Variants in RAB30 observed in about 807,000 individuals in gnomAD.
RAB30 encodes RAB30, member RAS oncogene family, also known as ras-related protein Rab-30.
Under a neutral mutation model 25.1 loss-of-function variants are expected in RAB30, and 9 were observed. The observed-to-expected ratio is 0.36, with a 90% CI of 0.22 to 0.63. The LOEUF is 0.63. Among genes scored for constraint, RAB30 ranks in the 20% least tolerant of loss-of-function variants. RAB30 has a pLI of 0.69. For missense variants in RAB30, 140 were observed against 243.5 expected, an observed-to-expected ratio of 0.58 and a Z score of 2.83; for synonymous variants, 77 against 86.4, an observed-to-expected ratio of 0.89 and a Z score of 0.60.
intron 4 of RAB30, among the ~76,000 whole-genome samples, chr11:82,983,375 A>G (rs1856677304): frequency 6.6e-6 from 1 of 152,224 alleles, no homozygotes; most frequent in African/African-American, 2.4e-5. Flanking sequence ...AACTGAGAGC[A>G]AAATTAAACA....
chr11:83,049,742 A>C (rs1254609742), intron 1 of RAB30, among the ~76,000 whole-genome samples: 1 of 152,090 alleles, frequency 6.6e-6, no homozygotes, highest in Admixed American at 6.5e-5. Flanking sequence ...AGAAAATTTG[A>C]GGTGATTCAA....
At chr11:83,018,297 CAAAAAAAAA>C (rs904843218) in intron 1 of RAB30, among the ~76,000 whole-genome samples, 1 of 68,562 alleles carries the variant, frequency 1.5e-5, no homozygotes, top group South Asian at 5.2e-4. Flanking sequence ...GACTCCATCT[CAAAAAAAAA>C]AAAAAAAAAA....
chr11:83,069,184 A>G (rs747377896), intron 1 of RAB30, among the ~76,000 whole-genome samples: 4 of 152,242 alleles, frequency 2.6e-5, no homozygotes, highest in Non-Finnish European at 4.4e-5. Context: ...CAAATCTAAC[A>G]CTACATTCAG....
chr11:83,057,034 GTATCATTGAATTTGGAATCTTGAGTTA>G (rs1297837962), intron 1 of RAB30, among the ~76,000 whole-genome samples: 1 of 152,058 alleles, frequency 6.6e-6, no homozygotes, highest in East Asian at 1.9e-4. Context: ...GTACAGATTT[GTATCATTGAATTTGGAATCTTGAGTTA>G]TACAGCTATA....
rs1417516171 is a variant in RAB30, at chr11:83,046,082, C to T, written c.-9+25609G>A. Among the ~76,000 whole-genome samples the T allele has an allele frequency of 3.9e-5, 6 of 152,322 alleles. No individual in the cohort carries two copies. In the East Asian group the frequency reaches 9.6e-4, roughly 24 times the overall value. Reference sequence around the variant, plus strand: ...TAAATCACCTTTCTTCAGTAGTTGTCTGAATCTTTCATTTTACTTCCTTTA... The same window carrying T: ...TAAATCACCTTTCTTCAGTAGTTGTTTGAATCTTTCATTTTACTTCCTTTA... On this transcript the variant is annotated intron_variant, in intron 1 of 4. Coordinates refer to ENST00000527633, the MANE Select transcript of RAB30 (RefSeq NM_001286060.2).
intron 1 of RAB30, among the ~76,000 whole-genome samples, chr11:83,071,047 C>A (rs745465336): frequency 6.6e-6 from 1 of 152,366 alleles, no homozygotes; most frequent in Middle Eastern, 3.4e-3. Flanking sequence ...AACAAAAACG[C>A]TGCTTCCAGC....
intron 1 of RAB30, among the ~76,000 whole-genome samples, chr11:83,037,176 A>T (rs1294970392): frequency 6.6e-6 from 1 of 151,976 alleles, no homozygotes; most frequent in African/African-American, 2.4e-5. Flanking sequence ...ACTTGAGGTG[A>T]TACTAAGTGT....
intron 2 of RAB30, among the ~76,000 whole-genome samples, chr11:82,995,752 C>T (rs1010595711): frequency 4.6e-5 from 7 of 152,160 alleles, no homozygotes; most frequent in African/African-American, 1.7e-4. Flanking sequence ...GTATAGGAGA[C>T]AAATTATCAG....
At chr11:83,014,439 T>C (rs1444391384) in intron 1 of RAB30, among the ~76,000 whole-genome samples, 1 of 151,996 alleles carries the variant, frequency 6.6e-6, no homozygotes, top group Non-Finnish European at 1.5e-5. Flanking sequence ...TCCCAGCTAC[T>C]CAGAGCTGAG....
intron 1 of RAB30, among the ~76,000 whole-genome samples, chr11:83,013,505 T>C (rs1464282781): frequency 6.6e-6 from 1 of 152,132 alleles, no homozygotes. Context: ...AGACTAAATA[T>C]TAAATAAATG....
intron 1 of RAB30, among the ~76,000 whole-genome samples, chr11:83,020,464 C>T (rs1165000218): frequency 6.6e-6 from 1 of 152,340 alleles, no homozygotes; most frequent in East Asian, 1.9e-4. Flanking sequence ...GGCGGCTCTG[C>T]GCTGGCCTGC....
Position 82,981,114 on chromosome 11 carries a change from T to G in RAB30, c.*1051A>C, listed in dbSNP as rs1040719282. The G allele has an allele frequency of 6.6e-6, 1 of 152,080 alleles. No individual in the cohort carries two copies. Among genetic ancestry groups the G allele is most frequent in the Non-Finnish European group, 1.5e-5 (1 of 68,004 alleles). 9.4% of individuals were successfully genotyped at this position (152,080 alleles called of 1,614,324 possible). ...GCCTTGGTCTGTCCAAGATGGAGAG[T>G]ACCAGGAAGTAAAAGATGTGACCTA... On this transcript the variant is annotated 3_prime_UTR_variant, in exon 5 of 5. Coordinates refer to ENST00000527633, the MANE Select transcript of RAB30 (RefSeq NM_001286060.2).
chr11:82,988,680 TAGAC>T (rs1471692244), intron 3 of RAB30, among the ~76,000 whole-genome samples: 4 of 152,228 alleles, frequency 2.6e-5, no homozygotes, highest in South Asian at 4.1e-4. Context: ...CTGCACAGAG[TAGAC>T]AACTACTGAA....
rs371135775 is a variant in RAB30 at position 83,022,633 on chromosome 11, A to G, written c.-8-25309T>C. Among the ~76,000 whole-genome samples, 18 of 152,242 alleles carry G rather than the reference A, an allele frequency of 1.2e-4. No individual in the cohort carries two copies. The East Asian group carries it at 2.3e-3, about 20-fold the overall frequency. On this transcript the variant is annotated intron_variant, in intron 1 of 4. Transcript: ENST00000527633. ...TTAAATAAGTATCCTTTATTTTATA[A>G]TTTTAAAATAAAGACAACTTTTAAA...
Position 83,058,224 on chromosome 11 carries a change from C to T in RAB30, c.-9+13467G>A, listed in dbSNP as rs202037047. 9.9e-5 allele frequency among the ~76,000 whole-genome samples: 15 copies of T among 152,234 alleles called. No homozygotes were observed. The East Asian group carries it at 2.7e-3, about 27-fold the overall frequency. On this transcript the variant is annotated intron_variant, in intron 1 of 4. Coordinates refer to ENST00000527633, the MANE Select transcript of RAB30 (RefSeq NM_001286060.2). Reference sequence around the variant, plus strand: ...TATTTCCTAGAAAACAAGGACAGTCCTTGTGTTTCCACGGTATAATTATCA... The same window carrying T: ...TATTTCCTAGAAAACAAGGACAGTCTTTGTGTTTCCACGGTATAATTATCA...
At chr11:82,992,821 C>T (rs933828262) in intron 3 of RAB30, among the ~76,000 whole-genome samples, 5 of 151,592 alleles carry the variant, frequency 3.3e-5, no homozygotes, top group Admixed American at 2.0e-4. Context: ...AATCATGGCT[C>T]ACTGCAGACT....
chr11:82,994,467 A>G (rs918818163), intron 2 of RAB30, among the ~76,000 whole-genome samples: 4 of 152,182 alleles, frequency 2.6e-5, no homozygotes, highest in African/African-American at 7.2e-5. Context: ...CGAAGATAAG[A>G]TTGAAGGGCA....
chr11:83,050,255 T>G (rs193010025), intron 1 of RAB30, among the ~76,000 whole-genome samples: 1 of 143,850 alleles, frequency 7.0e-6, no homozygotes, highest in East Asian at 2.0e-4. Flanking sequence ...GACCATGTCT[T>G]AAAAAAAAAA....
At chr11:83,008,768 C>T (rs1320733) in intron 1 of RAB30, among the ~76,000 whole-genome samples, 87,058 of 151,906 alleles carry the variant, frequency 0.57, 25,528 homozygotes, top group African/African-American at 0.72. Flanking sequence ...CCCCTGTCCC[C>T]ACTGCACCAA....
Sources: gnomAD v4.1 joint callset for allele counts (sites outside exome capture counted in the v4.1 genomes callset) on GRCh38, gnomAD v4.1.1 for gene constraint, MANE v1.5 for transcripts, NCBI Gene and HGNC (gene_info 2026-07-23, HGNC 2026-07-21) for gene names.